TTC17: variants seen among roughly 807,000 people sequenced by gnomAD.
TTC17 encodes the protein tetratricopeptide repeat protein 17.
In TTC17, 58 loss-of-function variants were observed where a neutral mutation model predicts 143.8. The observed-to-expected ratio is 0.40, with a 90% CI of 0.33 to 0.50. The LOEUF is 0.50. TTC17 is among the 20% of genes least tolerant of loss of function. TTC17 has a pLI of 0.49. For synonymous variants in TTC17, 501 were observed against 497.8 expected, an observed-to-expected ratio of 1.01 and a Z score of -0.09; for missense variants, 1,273 against 1,392.5, an observed-to-expected ratio of 0.91 and a Z score of 1.37.
Position 43,414,040 on chromosome 11 carries a change from G to A in TTC17, c.2065-550G>A, listed in dbSNP as rs141108066. ...AGACGAAAGTGGAAATAGCCCAACT[G>A]CTAATCGGATGAACAAGCTGTGGTG... On this transcript the variant is annotated intron_variant, in intron 15 of 23. Transcript: ENST00000039989. Among the ~76,000 whole-genome samples, 726 of 152,296 alleles carry A rather than the reference G, an allele frequency of 4.8e-3. 7 individuals carry two copies. Among genetic ancestry groups the A allele is most frequent in the African/African-American group, 0.017 (691 of 41,562 alleles).
chr11:43,477,083 T>C (rs146889634), intron 21 of TTC17, among the ~76,000 whole-genome samples: 1,999 of 152,286 alleles, frequency 0.013, 31 homozygotes, highest in Non-Finnish European at 0.019. Flanking sequence ...CACAAATCTC[T>C]AGGACAGGGG....
intron 11 of TTC17, 119 bp downstream of exon 11, chr11:43,404,263 C>A (rs960396114): frequency 1.3e-5 from 12 of 895,082 alleles, no homozygotes; most frequent in Non-Finnish European, 1.9e-5. Flanking sequence ...GTTCAGCAAA[C>A]GTGTAGTACA....
rs777601824 is a variant in TTC17 at position 43,358,969 on chromosome 11, A to G, written c.15A>G (p.Val5=). 23 of 1,577,770 alleles carry G rather than the reference A, an allele frequency of 1.5e-5. No homozygotes were observed. Among genetic ancestry groups the G allele is most frequent in the Non-Finnish European group, 1.5e-5 (17 of 1,162,926 alleles). ...GGGGGGGCAAGATGGCGGCGGCAGT[A>G]GGGGTTCGTGGCCGGTACGAGCTGC... MAAA[V]GVRGRYELPP... is the part of the protein sequence containing the mutation. Residue 5 remains valine, a synonymous_variant, in exon 1 of 24, where the codon GTA becomes GTG. Coordinates refer to ENST00000039989, the MANE Select transcript of TTC17 (RefSeq NM_018259.6).
At chr11:43,444,255 CTA>C in intron 18 of TTC17, 46 bp downstream of exon 18, 39 of 1,548,720 alleles carry the variant, frequency 2.5e-5, no homozygotes, top group Non-Finnish European at 3.4e-5. Flanking sequence ...TTAGATGTCA[CTA>C]TCTCATTTCT....
intron 16 of TTC17, among the ~76,000 whole-genome samples, chr11:43,437,354 A>T (rs1947315570): frequency 6.6e-6 from 1 of 152,018 alleles, no homozygotes; most frequent in East Asian, 1.9e-4. Context: ...GACTTTCTTC[A>T]TTTCTGCCTA....
chr11:43,378,421 T>G (rs1164971053), intron 1 of TTC17, among the ~76,000 whole-genome samples: 1 of 152,242 alleles, frequency 6.6e-6, no homozygotes, highest in Non-Finnish European at 1.5e-5. Flanking sequence ...TAACATTTTT[T>G]CCTGTATCCC....
Position 43,450,214 on chromosome 11 carries a change from C to T in TTC17, c.2919C>T (p.His973=). ...LHGVSNRASL[H]YTGESQLTEV... ...GGGTTTCCAACCGAGCCAGCCTGCA[C>T]TACACAGGGGAGAGTCAGTTAACAG... is the stretch of plus-strand genomic sequence containing the variant. The change falls in exon 20 of 24, where the codon CAC becomes CAT. Residue 973 remains histidine, a synonymous_variant. Transcript: ENST00000039989. 6.2e-7 allele frequency: 1 copy of T among 1,614,140 alleles called. No homozygotes were observed. The highest frequency in any genetic ancestry group is 8.5e-7 in the Non-Finnish European group (1 of 1,179,994).
chr11:43,401,131 C>T (rs1480694544), intron 9 of TTC17, among the ~76,000 whole-genome samples: 1 of 152,092 alleles, frequency 6.6e-6, no homozygotes, highest in African/African-American at 2.4e-5. Context: ...CAAATTCTCT[C>T]CAGAAAGATG....
In TTC17 at chr11:43,494,547, A is replaced by AG. The variant is rs1948526722; in HGVS notation, c.*649dup. On this transcript the variant is annotated 3_prime_UTR_variant, in exon 24 of 24. Transcript: ENST00000039989. ...GTAATGTTATTTATGTTGGGGAGGG[A>AG]GGGGGGCTGAGAAGGGGAAATCAGC... The AG allele has an allele frequency of 1.3e-5, 2 of 151,886 alleles. No individual in the cohort carries two copies. Among genetic ancestry groups the AG allele is most frequent in the South Asian group, 4.2e-4 (2 of 4,812 alleles). 9.4% of individuals were successfully genotyped at this position (151,886 alleles called of 1,614,324 possible).
chr11:43,486,473 T>C (rs779805140), intron 21 of TTC17: 4 of 444,870 alleles, frequency 9.0e-6, no homozygotes, highest in South Asian at 6.4e-5. Flanking sequence ...TACTATACCA[T>C]TTTCATAAAG....
chr11:43,481,985 T>A (rs1482266914), intron 21 of TTC17, among the ~76,000 whole-genome samples: 1 of 152,036 alleles, frequency 6.6e-6, no homozygotes. Flanking sequence ...AATTTTTGTA[T>A]TTTTAGTAGA....
At chr11:43,370,320 T>C (rs181080622) in intron 1 of TTC17, 3 of 224,864 alleles carry the variant, frequency 1.3e-5, no homozygotes, top group Non-Finnish European at 1.8e-5. Flanking sequence ...CAGAAGGGTC[T>C]CTTAGACAAT....
At chr11:43,443,748 C>T (rs1166675731) in intron 17 of TTC17, among the ~76,000 whole-genome samples, 164 bp downstream of exon 17, 3 of 152,146 alleles carry the variant, frequency 2.0e-5, no homozygotes, top group African/African-American at 7.2e-5. Context: ...TTTCATGTTA[C>T]TTATGTATTG....
intron 2 of TTC17, among the ~76,000 whole-genome samples, chr11:43,381,101 C>T (rs1310658836): frequency 6.6e-6 from 1 of 152,004 alleles, no homozygotes; most frequent in African/African-American, 2.4e-5. Flanking sequence ...TTTATTAAGT[C>T]AGTGAAAATG....
chr11:43,363,988 G>C (rs1303180040), intron 1 of TTC17, among the ~76,000 whole-genome samples: 1 of 151,822 alleles, frequency 6.6e-6, no homozygotes, highest in East Asian at 1.9e-4. Flanking sequence ...GAGTTCATTC[G>C]GCATTTACTT....
At chr11:43,375,308 A>C (rs1296591134) in intron 1 of TTC17, among the ~76,000 whole-genome samples, 1 of 152,170 alleles carries the variant, frequency 6.6e-6, no homozygotes, top group African/African-American at 2.4e-5. Context: ...GGAAGGAAGC[A>C]AGTGAGGTGC....
intron 21 of TTC17, among the ~76,000 whole-genome samples, chr11:43,476,545 A>T (rs985680398): frequency 3.3e-5 from 5 of 152,296 alleles, no homozygotes; most frequent in African/African-American, 1.2e-4. Context: ...CCAAACTTCA[A>T]TTCTTGACTT....
intron 1 of TTC17, among the ~76,000 whole-genome samples, chr11:43,368,800 C>G (rs1856450659): frequency 6.6e-6 from 1 of 152,236 alleles, no homozygotes. Context: ...TTCCTTATGG[C>G]CTACAAGGTC....
rs1163130232 is a variant in TTC17, at chr11:43,494,431, C to G, written c.*527C>G. 2.0e-5 allele frequency: 3 copies of G among 152,060 alleles called. No individual in the cohort carries two copies. The highest frequency in any genetic ancestry group is 4.4e-5 in the Non-Finnish European group (3 of 68,082). The allele number at this position is 152,060 out of a possible 1,614,324, so 9.4% of individuals were successfully genotyped here. A position where few individuals can be genotyped will look rare whatever the true frequency, so the allele number is the denominator to read the frequency against. ...ATTCCATGCTGCTGTGTTACAAACT[C>G]TCAGAGGTAGTTTGCAGGGGAGGAA... is the stretch of plus-strand genomic sequence containing the variant. On this transcript the variant is annotated 3_prime_UTR_variant, in exon 24 of 24. Transcript: ENST00000039989.
Sources: gnomAD v4.1 joint callset for allele counts (sites outside exome capture counted in the v4.1 genomes callset) on GRCh38, gnomAD v4.1.1 for gene constraint, MANE v1.5 for transcripts, NCBI Gene and HGNC (gene_info 2026-07-23, HGNC 2026-07-21) for gene names.